The following RAD54L2 variants were observed in gnomAD, a reference collection of about 807,000 sequenced individuals.
RAD54L2 encodes the protein helicase ARIP4.
A neutral mutation model predicts 138.4 loss-of-function variants in RAD54L2; 27 were observed. That is an observed-to-expected ratio of 0.20 (90% CI 0.14 to 0.27). The LOEUF is 0.27. Among genes scored for constraint, RAD54L2 ranks in the 10% least tolerant of loss-of-function variants. RAD54L2 has a pLI of 1.00. For synonymous variants in RAD54L2, 644 were observed against 723.2 expected (o/e 0.89, Z 1.76); for missense variants, 1,396 against 1,890.2 (o/e 0.74, Z 4.85).
intron 2 of RAD54L2, among the ~76,000 whole-genome samples, chr3:51,570,603 C>T (rs933346900): frequency 1.1e-4 from 17 of 151,782 alleles, no homozygotes; most frequent in South Asian, 6.2e-4. Flanking sequence ...ATTACAGGTG[C>T]GCGCCACCAC....
chr3:51,644,065 A>T (rs1265632301), intron 16 of RAD54L2, 91 bp downstream of exon 16: 1 of 990,128 alleles, frequency 1.0e-6, no homozygotes, highest in Non-Finnish European at 1.5e-6. Flanking sequence ...TTCCCTCAGA[A>T]GAGATCAGCT....
At position 51,660,137 on chromosome 3, in the gene RAD54L2, T is replaced by C. The variant is rs764655317; in HGVS notation, c.3409+19T>C. ...GCCTCAGGTGTGATGGCTTTTACTT[T>C]CCATTTTACTTTTCAAACAACATTT... is the stretch of plus-strand genomic sequence containing the variant. On this transcript the variant is annotated intron_variant, in intron 22 of 22. Transcript: ENST00000684192. 16 of 1,570,890 alleles carry C rather than the reference T, an allele frequency of 1.0e-5. No homozygotes were observed. Among genetic ancestry groups the C allele is most frequent in the Non-Finnish European group, 1.4e-5 (16 of 1,146,904 alleles).
At chr3:51,627,797 AT>A in intron 4 of RAD54L2, 43 bp downstream of exon 4, 1 of 1,598,990 alleles carries the variant, frequency 6.3e-7, no homozygotes, top group Non-Finnish European at 8.6e-7. Context: ...AGGAATAGAG[AT>A]TTTACCTTCA....
At chr3:51,602,416 A>C (rs1700099428) in intron 3 of RAD54L2, among the ~76,000 whole-genome samples, 1 of 152,234 alleles carries the variant, frequency 6.6e-6, no homozygotes, top group Admixed American at 6.5e-5. Context: ...CTGTGAATCT[A>C]CGTGACTACT....
At position 51,581,929 on chromosome 3, in the gene RAD54L2, C is replaced by CT. The variant is rs200417357; in HGVS notation, c.-54-8424dup. On this transcript the variant is annotated intron_variant, in intron 2 of 22. Coordinates refer to ENST00000684192, the MANE Select transcript of RAD54L2 (RefSeq NM_015106.4). The stretch of plus-strand genomic sequence containing the variant: ...GTTTCTGTAGTCTCCCTTCTCTTTT[C>CT]TTTTTTTTTTTTTTGAGTCAGGGTT... Among the ~76,000 whole-genome samples the CT allele has an allele frequency of 3.1e-3, 443 of 142,140 alleles. 1 individual carries two copies. Among genetic ancestry groups the CT allele is most frequent in the Middle Eastern group, 7.4e-3 (2 of 270 alleles). 93.2% of individuals were successfully genotyped at this position (142,140 alleles called of 152,430 possible).
rs1352846794 is a variant in RAD54L2 at position 51,662,669 on chromosome 3, C to A, written c.3653C>A (p.Thr1218Lys). The A allele has an allele frequency of 6.2e-7, 1 of 1,613,706 alleles. No homozygotes were observed. Among genetic ancestry groups the A allele is most frequent in the East Asian group, 2.2e-5 (1 of 44,870 alleles). ...ATGGACAGCAGTGCTGTTCCCGGGACAGCTCTCGGAACTGAGCCTCGACTA... is the reference window on the plus strand; with the variant it reads ...ATGGACAGCAGTGCTGTTCCCGGGAAAGCTCTCGGAACTGAGCCTCGACTA... The part of the protein sequence containing the change: ...QLMDSSAVPG[T>K]ALGTEPRLGG... Residue 1218 changes from threonine to lysine, a missense_variant, in exon 23 of 23, where the codon ACA becomes AAA. By Grantham distance (78) the Thr-to-Lys change is moderately conservative. Transcript: ENST00000684192. The surrounding 1 kb of genome is among the most constrained non-coding windows in gnomAD (Gnocchi z 4.6).
Position 51,655,977 on chromosome 3 carries a change from A to G in RAD54L2, c.3033A>G (p.Pro1011=). The G allele has an allele frequency of 6.3e-7, 1 of 1,597,594 alleles. No individual in the cohort carries two copies. Among genetic ancestry groups the G allele is most frequent in the Non-Finnish European group, 8.6e-7 (1 of 1,168,786 alleles). The change falls in exon 20 of 23, where the codon CCA becomes CCG. Residue 1011 remains proline (P), a synonymous_variant. Coordinates refer to ENST00000684192, the MANE Select transcript of RAD54L2 (RefSeq NM_015106.4). ...IPAFSQRNWQ[P]TLKGDEKPVA... ...CCTTGTCTTTCTCTTACAGGCAGCC[A>G]ACTTTGAAGGGTGATGAAAAGCCTG...
chr3:51,657,545 G>A lies in RAD54L2; in HGVS notation c.3227-35G>A, dbSNP rs370309460. 2,193 of 1,405,216 alleles carry A rather than the reference G, an allele frequency of 1.6e-3. 41 individuals carry two copies. In the South Asian group the frequency reaches 0.025, roughly 16 times the overall value. 87.0% of individuals were successfully genotyped at this position (1,405,216 alleles called of 1,614,324 possible). A position where few individuals can be genotyped will look rare whatever the true frequency, so the allele number is the denominator to read the frequency against. On this transcript the variant is annotated intron_variant, in intron 20 of 22. Transcript: ENST00000684192. ...TTCCCCCCTCCTTCAGTCAGGCCCC[G>A]TGCAATCTAAATTTAAGATCTGTGT...
rs1324347099 is a variant in RAD54L2 at position 51,656,048 on chromosome 3, C to T, written c.3104C>T (p.Pro1035Leu). 1.2e-6 allele frequency: 2 copies of T among 1,613,986 alleles called. No individual in the cohort carries two copies. The highest frequency in any genetic ancestry group is 2.2e-5 in the South Asian group (2 of 91,088). Residue 1035 changes from proline to leucine, a missense_variant, in exon 20 of 23, where the codon CCC (proline) becomes CTC (leucine). Pro to Leu is a moderately conservative substitution (Grantham distance 98, BLOSUM62 -3). This residue lies in a region of RAD54L2 where 634 missense variants were observed against 711.2 expected (regional missense o/e 0.89). Transcript: ENST00000684192. ...PVQSTPIPMM[P>L]RHVPLGGSVS... ...CAGTCCACCCCCATCCCCATGATGC[C>T]CCGGCATGTCCCATTGGGAGGAAGT...
At chr3:51,601,896 C>T (rs755239124) in intron 3 of RAD54L2, among the ~76,000 whole-genome samples, 4 of 150,800 alleles carry the variant, frequency 2.7e-5, no homozygotes, top group Non-Finnish European at 4.4e-5. Context: ...CTTGCCCTGT[C>T]GCCAGGCTGG....
chr3:51,652,959 C>T (rs949505779), intron 19 of RAD54L2, among the ~76,000 whole-genome samples: 1 of 152,132 alleles, frequency 6.6e-6, no homozygotes, highest in African/African-American at 2.4e-5. Context: ...AGATTCTGCA[C>T]AGCAAAAGAA....
At chr3:51,626,436 C>CTT (rs768354274) in intron 3 of RAD54L2, among the ~76,000 whole-genome samples, 1,158 of 39,374 alleles carry the variant, frequency 0.029, 270 homozygotes, top group African/African-American at 0.12. Context: ...CCCCAACGAT[C>CTT]TTTTTTTTTT....
At chr3:51,589,606 G>C (rs1015135761) in intron 2 of RAD54L2, among the ~76,000 whole-genome samples, 7 of 151,750 alleles carry the variant, frequency 4.6e-5, no homozygotes, top group African/African-American at 1.7e-4. Flanking sequence ...AGTTTCTACT[G>C]AATGTGTGTC....
At chr3:51,542,508 C>G (rs373182739) in intron 2 of RAD54L2, among the ~76,000 whole-genome samples, 10 of 150,798 alleles carry the variant, frequency 6.6e-5, no homozygotes, top group African/African-American at 2.4e-4. Context: ...TGCAGTGGTG[C>G]GATCTCGGCT....
intron 14 of RAD54L2, among the ~76,000 whole-genome samples, chr3:51,640,994 G>T (rs1171520727): frequency 1.3e-5 from 2 of 151,906 alleles, no homozygotes; most frequent in African/African-American, 4.8e-5. Context: ...ACCTCTTTCT[G>T]TTTCTTTTTC....
intron 14 of RAD54L2, among the ~76,000 whole-genome samples, chr3:51,640,720 C>T (rs1217128863): frequency 1.3e-5 from 2 of 152,190 alleles, no homozygotes; most frequent in Non-Finnish European, 2.9e-5. Flanking sequence ...GACACTGGCT[C>T]TCATGGTATC....
Position 51,645,175 on chromosome 3 carries a change from T to G in RAD54L2, c.2602T>G (p.Tyr868Asp). 6.2e-7 allele frequency: 1 copy of G among 1,613,886 alleles called. No individual in the cohort carries two copies. Among genetic ancestry groups the G allele is most frequent in the Admixed American group, 1.7e-5 (1 of 60,018 alleles). Residue 868 changes from tyrosine (Y) to aspartate (D), a missense_variant, in exon 17 of 23, where the codon TAC (tyrosine) becomes GAC (aspartate). Around this residue, in one of 7 missense-constraint regions of RAD54L2, gnomAD observed 78 missense variants for 171.6 expected, o/e 0.45. Transcript: ENST00000684192. This position sits in a 1 kb window ranked among gnomAD's most constrained non-coding sequence, Gnocchi z 6.1. ...TTACATCTATCGCCTTGTGGCTGAT[T>G]ACACTCTAGAAAAGAAGATCTATGA... is the stretch of plus-strand genomic sequence containing the variant. ...PCYIYRLVAD[Y>D]TLEKKIYDRQ...
At chr3:51,551,440 ATT>A (rs79199660) in intron 2 of RAD54L2, among the ~76,000 whole-genome samples, 4 of 140,000 alleles carry the variant, frequency 2.9e-5, no homozygotes. Flanking sequence ...GCCTAATTTA[ATT>A]TTTTTTTTTT....
intron 2 of RAD54L2, among the ~76,000 whole-genome samples, chr3:51,562,597 T>C (rs1218950586): frequency 6.6e-6 from 1 of 152,078 alleles, no homozygotes; most frequent in East Asian, 1.9e-4. Context: ...ACTCCTGACC[T>C]CAGGTGAGGA....
Sources: allele counts gnomAD v4.1 joint callset (sites outside exome capture counted in the v4.1 genomes callset), GRCh38; gene constraint gnomAD v4.1.1; regional missense constraint gnomAD v4.1.1; non-coding constraint Gnocchi (gnomAD v3.1); transcripts MANE v1.5; gene names NCBI Gene and HGNC (gene_info 2026-07-23, HGNC 2026-07-21).